The following ARIH1 variants were observed in gnomAD, a reference collection of about 807,000 sequenced individuals.
ARIH1 encodes ariadne RBR E3 ubiquitin protein ligase 1.
In ARIH1, 8 loss-of-function variants were observed where a neutral mutation model predicts 85.0. The ratio of observed to expected loss-of-function variants is 0.09; its 90% CI spans 0.06 to 0.17. The LOEUF (loss-of-function observed/expected upper bound fraction) is 0.17, where lower values mean the gene tolerates loss of function less well. ARIH1 is among the 10% of genes least tolerant of loss of function. ARIH1 has a pLI of 1.00. For missense variants in ARIH1, 311 were observed against 718.1 expected, an observed-to-expected ratio of 0.43 and a Z score of 6.48; for synonymous variants, 238 against 253.6, an observed-to-expected ratio of 0.94 and a Z score of 0.59.
In ARIH1 at chr15:72,586,099, A is replaced by T. The variant is rs1175300942; in HGVS notation, c.*2807A>T. ...GTGGTAAAATTGAGTAGCATATAAT[A>T]TCAGACTAAATTATCTGTAATTTTC... On this transcript the variant is annotated 3_prime_UTR_variant, in exon 14 of 14. Coordinates refer to ENST00000379887, the MANE Select transcript of ARIH1 (RefSeq NM_005744.5). The T allele has an allele frequency of 3.9e-5, 6 of 152,224 alleles. No individual in the cohort carries two copies. The highest frequency in any genetic ancestry group is 1.4e-4 in the African/African-American group (6 of 41,464). The allele number at this position is 152,224 out of a possible 1,614,324, so 9.4% of individuals were successfully genotyped here.
chr15:72,474,768 C>G lies in ARIH1; in HGVS notation c.129C>G (p.Gly43=), dbSNP rs558844066. Residue 43 remains glycine (G), a synonymous_variant, in exon 1 of 14, where the codon GGC becomes GGG. Transcript: ENST00000379887. Reference sequence around the variant, plus strand: ...CGGACGATGATACCCTGGATCTGGGCGAGGTGGAGCTGGTGGAGCCCGGGC... The same window carrying G: ...CGGACGATGATACCCTGGATCTGGGGGAGGTGGAGCTGGTGGAGCCCGGGC... ...DEPDDDTLDL[G]EVELVEPGLG... is the part of the protein sequence containing the mutation. 19 of 1,538,200 alleles carry G rather than the reference C, an allele frequency of 1.2e-5. No individual in the cohort carries two copies. Among genetic ancestry groups the G allele is most frequent in the Non-Finnish European group, 1.6e-5 (18 of 1,141,742 alleles).
rs1389460643 is a variant in ARIH1, at chr15:72,585,120, T to C, written c.*1828T>C. The C allele has an allele frequency of 1.3e-5, 2 of 152,158 alleles. No homozygotes were observed. Among genetic ancestry groups the C allele is most frequent in the Non-Finnish European group, 2.9e-5 (2 of 68,032 alleles). The allele number at this position is 152,158 out of a possible 1,614,324, so 9.4% of individuals were successfully genotyped here. ...GCTGAATCAACCCTACTTTTCCTTT[T>C]AGAAAAGGTTGTTACAGGAGATTTA... On this transcript the variant is annotated 3_prime_UTR_variant, in exon 14 of 14. Coordinates refer to ENST00000379887, the MANE Select transcript of ARIH1 (RefSeq NM_005744.5).
intron 3 of ARIH1, among the ~76,000 whole-genome samples, chr15:72,546,991 G>A (rs1342077320): frequency 6.6e-6 from 1 of 151,472 alleles, no homozygotes; most frequent in Non-Finnish European, 1.5e-5. Flanking sequence ...GCAGTGGTGC[G>A]ATCTCGGCTC....
intron 2 of ARIH1, among the ~76,000 whole-genome samples, chr15:72,525,517 G>A (rs2064023497): frequency 6.6e-6 from 1 of 152,140 alleles, no homozygotes; most frequent in African/African-American, 2.4e-5. Context: ...GAATGTATTG[G>A]AAGTTCTGAT....
intron 7 of ARIH1, among the ~76,000 whole-genome samples, chr15:72,565,244 G>A (rs964458648): frequency 2.6e-5 from 4 of 151,928 alleles, no homozygotes; most frequent in African/African-American, 4.8e-5. Flanking sequence ...TTATTTATTT[G>A]TTTATTTATT....
intron 9 of ARIH1, among the ~76,000 whole-genome samples, chr15:72,568,281 CT>C (rs1567358375): frequency 6.6e-6 from 1 of 152,040 alleles, no homozygotes; most frequent in Non-Finnish European, 1.5e-5. Context: ...GCCAAGCATT[CT>C]TTTTTTGAAA....
At chr15:72,493,907 T>C (rs1482843647) in intron 1 of ARIH1, among the ~76,000 whole-genome samples, 1 of 152,062 alleles carries the variant, frequency 6.6e-6, no homozygotes, top group African/African-American at 2.4e-5. Flanking sequence ...TGCATACATA[T>C]ATTTTCTTGG....
At chr15:72,565,438 T>C (rs1054024213) in intron 7 of ARIH1, among the ~76,000 whole-genome samples, 20 of 152,096 alleles carry the variant, frequency 1.3e-4, no homozygotes, top group African/African-American at 4.6e-4. Flanking sequence ...AAATATTTTA[T>C]TGGTATTCCA....
At chr15:72,541,242 G>A (rs73444773) in intron 2 of ARIH1, among the ~76,000 whole-genome samples, 5,817 of 152,180 alleles carry the variant, frequency 0.038, 331 homozygotes, top group African/African-American at 0.13. Flanking sequence ...GAAGTAAGGA[G>A]CCAGCAGTCT....
intron 10 of ARIH1, among the ~76,000 whole-genome samples, chr15:72,571,442 C>T (rs964424392): frequency 1.3e-5 from 2 of 152,156 alleles, no homozygotes; most frequent in Non-Finnish European, 2.9e-5. Flanking sequence ...TGTAGGCTCC[C>T]ATAACTGATG....
intron 3 of ARIH1, among the ~76,000 whole-genome samples, chr15:72,551,349 A>G (rs1339693707): frequency 6.6e-6 from 1 of 152,244 alleles, no homozygotes; most frequent in Non-Finnish European, 1.5e-5. Flanking sequence ...TAGTCCTGCT[A>G]GATACAAGAG....
At chr15:72,557,193 G>C (rs2064178114) in intron 5 of ARIH1, among the ~76,000 whole-genome samples, 1 of 151,800 alleles carries the variant, frequency 6.6e-6, no homozygotes, top group Non-Finnish European at 1.5e-5. Context: ...TTACGGTTTT[G>C]ATTTGCATTT....
intron 1 of ARIH1, among the ~76,000 whole-genome samples, chr15:72,515,658 T>C (rs930589243): frequency 6.6e-6 from 1 of 152,212 alleles, no homozygotes. Context: ...TTCCATTATC[T>C]CTTCAGTTTT....
intron 2 of ARIH1, among the ~76,000 whole-genome samples, chr15:72,538,021 T>C (rs2064090448): frequency 6.6e-6 from 1 of 152,190 alleles, no homozygotes; most frequent in South Asian, 2.1e-4. Flanking sequence ...AAATGTATAA[T>C]GGAAGCATTA....
At chr15:72,510,410 G>T (rs1422259277) in intron 1 of ARIH1, among the ~76,000 whole-genome samples, 1 of 151,978 alleles carries the variant, frequency 6.6e-6, no homozygotes, top group African/African-American at 2.4e-5. Flanking sequence ...TTACATTTGG[G>T]TCTGATCCAT....
Position 72,586,998 on chromosome 15 carries a change from G to A in ARIH1, c.*3706G>A, listed in dbSNP as rs1380382791. On this transcript the variant is annotated 3_prime_UTR_variant, in exon 14 of 14. Coordinates refer to ENST00000379887, the MANE Select transcript of ARIH1 (RefSeq NM_005744.5). ...AAAGAAGGTCCCAAAGTTGAAGATC[G>A]TTTGTCATTGATACTCTGGCCAAGT... 2 of 344,986 alleles carry A rather than the reference G, an allele frequency of 5.8e-6. No individual in the cohort carries two copies. Among genetic ancestry groups the A allele is most frequent in the Admixed American group, 4.3e-5 (1 of 23,232 alleles). The allele number at this position is 344,986 out of a possible 1,614,324, so 21.4% of individuals were successfully genotyped here.
chr15:72,479,773 C>T (rs188989194), intron 1 of ARIH1, among the ~76,000 whole-genome samples: 10 of 151,940 alleles, frequency 6.6e-5, no homozygotes, highest in East Asian at 3.9e-4. Context: ...GCTGTTGGTT[C>T]GAAAGCTGTA....
intron 11 of ARIH1, among the ~76,000 whole-genome samples, chr15:72,579,850 T>C (rs1331027603): frequency 1.3e-5 from 2 of 152,234 alleles, no homozygotes; most frequent in Non-Finnish European, 2.9e-5. Context: ...TACACATTTA[T>C]GGAGTACAGT....
intron 1 of ARIH1, among the ~76,000 whole-genome samples, chr15:72,497,400 T>G (rs1468878285): frequency 6.6e-6 from 1 of 152,216 alleles, no homozygotes; most frequent in Non-Finnish European, 1.5e-5. Context: ...ACCATTTACT[T>G]AAGTATTTGT....
Sources: allele counts gnomAD v4.1 joint callset (sites outside exome capture counted in the v4.1 genomes callset), GRCh38; gene constraint gnomAD v4.1.1; transcripts MANE v1.5; gene names NCBI Gene and HGNC (gene_info 2026-07-23, HGNC 2026-07-21).